ZC3H11A: variants seen among roughly 807,000 people sequenced by gnomAD.
The protein encoded by ZC3H11A is zinc finger CCCH-type containing 11A, also known as zinc finger CCCH domain-containing protein 11A.
In ZC3H11A, 22 loss-of-function variants were observed where a neutral mutation model predicts 90.8. That is an observed-to-expected ratio of 0.24 (90% confidence interval 0.17 to 0.35). The LOEUF (loss-of-function observed/expected upper bound fraction) is 0.35. ZC3H11A is among the 10% of genes least tolerant of loss of function. The pLI is 1.00. For synonymous variants in ZC3H11A, 294 were observed against 339.8 expected, an observed-to-expected ratio of 0.87 and a Z score of 1.48; for missense variants, 701 against 964.9, an observed-to-expected ratio of 0.73 and a Z score of 3.62.
intron 4 of ZC3H11A, among the ~76,000 whole-genome samples, chr1:203,827,435 C>T (rs1379946453): frequency 6.6e-6 from 1 of 150,420 alleles, no homozygotes; most frequent in East Asian, 2.0e-4. Flanking sequence ...AATCCCAGCA[C>T]TTTGGGAGGC....
chr1:203,817,155 T>C, intron 3 of ZC3H11A, 31 bp downstream of exon 3: 1 of 1,554,650 alleles, frequency 6.4e-7, no homozygotes, highest in Non-Finnish European at 8.7e-7. Context: ...ATCAGTTCTT[T>C]CTACAATTTG....
At chr1:203,804,459 T>G (rs1030735507) in intron 2 of ZC3H11A, among the ~76,000 whole-genome samples, 5 of 151,940 alleles carry the variant, frequency 3.3e-5, no homozygotes, top group Non-Finnish European at 4.4e-5. Flanking sequence ...GCCCTTCCTG[T>G]ATATCTTTTT....
At chr1:203,840,402 AT>A (rs747792387) in intron 12 of ZC3H11A, 28 bp downstream of exon 12, 1 of 1,598,828 alleles carries the variant, frequency 6.3e-7, no homozygotes, top group African/African-American at 1.3e-5. Context: ...CCAGATTCTG[AT>A]TATTTTTTTC....
intron 5 of ZC3H11A, 64 bp from the exon 6 acceptor site, chr1:203,829,387 G>A: frequency 6.4e-7 from 1 of 1,558,302 alleles, no homozygotes; most frequent in Non-Finnish European, 8.8e-7. Flanking sequence ...AGGTGGTCAG[G>A]AATTTTTGGT....
In ZC3H11A at chr1:203,848,352, T is replaced by A; in HGVS notation, c.1568T>A (p.Leu523His). The A allele has an allele frequency of 6.2e-7, 1 of 1,612,964 alleles. No homozygotes were observed. The highest frequency in any genetic ancestry group is 8.5e-7 in the Non-Finnish European group (1 of 1,179,620). ...ACAGGGATGAAAGAAGAGAAGAACC[T>A]TCAGGAAGGAAATGAAGTTGATTCT... ...KRTGMKEEKN[L>H]QEGNEVDSQS... The change falls in exon 14 of 18, where the codon CTT (leucine) becomes CAT (histidine). Residue 523 changes from leucine (L) to histidine (H), a missense_variant. By Grantham distance (99) the Leu-to-His change is moderately conservative. Around this residue, in one of 4 missense-constraint regions of ZC3H11A, gnomAD observed 530 missense variants for 696.2 expected, o/e 0.76. Coordinates refer to ENST00000367210, the MANE Select transcript of ZC3H11A (RefSeq NM_001376342.1).
intron 12 of ZC3H11A, among the ~76,000 whole-genome samples, chr1:203,845,865 C>CA (rs1687751560): frequency 6.6e-6 from 1 of 151,834 alleles, no homozygotes; most frequent in African/African-American, 2.4e-5. Context: ...AACTCTGTCT[C>CA]AAAAAACAAG....
intron 2 of ZC3H11A, chr1:203,805,906 ACTTG>A: frequency 1.4e-6 from 1 of 692,272 alleles, no homozygotes; most frequent in Non-Finnish European, 2.7e-6. Flanking sequence ...GTCAGTTTTC[ACTTG>A]CTTGTCTACC....
rs1801839 is a variant in ZC3H11A at position 203,849,892 on chromosome 1, C to G, written c.1805C>G (p.Pro602Arg). 4 of 1,613,970 alleles carry G rather than the reference C, an allele frequency of 2.5e-6. No homozygotes were observed. The highest frequency in any genetic ancestry group is 2.5e-6 in the Non-Finnish European group (3 of 1,180,034). Reference sequence around the variant, plus strand: ...GAGAAACCAGTGCTCACTGCTGTGCCAGGAATCACACGGCACCTGACCAAG... The same window carrying G: ...GAGAAACCAGTGCTCACTGCTGTGCGAGGAATCACACGGCACCTGACCAAG... The part of the protein sequence containing the change: ...VAEKPVLTAV[P>R]GITRHLTKRL... The change falls in exon 15 of 18, where the codon CCA becomes CGA. Residue 602 changes from proline (P) to arginine (R), a missense_variant. Pro to Arg is a moderately radical substitution (Grantham distance 103, BLOSUM62 -2). This residue lies in a region of ZC3H11A where 530 missense variants were observed against 696.2 expected (regional missense o/e 0.76). Coordinates refer to ENST00000367210, the MANE Select transcript of ZC3H11A (RefSeq NM_001376342.1).
chr1:203,797,203 A>G (rs4951011), intron 1 of ZC3H11A: 26,759 of 178,932 alleles, frequency 0.15, 2,510 homozygotes, highest in East Asian at 0.31. Flanking sequence ...TCTAGCTGCT[A>G]CTAACCAACT....
intron 2 of ZC3H11A, among the ~76,000 whole-genome samples, chr1:203,811,665 C>T (rs149499593): frequency 8.6e-4 from 131 of 152,200 alleles, no homozygotes; most frequent in Admixed American, 2.1e-3. Flanking sequence ...TGGGCTACCA[C>T]GCCTGGCTAA....
At chr1:203,805,612 G>A (rs562477270) in intron 2 of ZC3H11A, 3 of 661,616 alleles carry the variant, frequency 4.5e-6, no homozygotes, top group Admixed American at 3.7e-5. Flanking sequence ...GTACTTAAAT[G>A]CAAATGTATG....
chr1:203,831,093 C>T (rs559998299), intron 8 of ZC3H11A, among the ~76,000 whole-genome samples: 9 of 151,638 alleles, frequency 5.9e-5, no homozygotes, highest in South Asian at 2.1e-4. Context: ...TACAGGCATG[C>T]GCCACCACGC....
chr1:203,825,069 T>A (rs1419697763), intron 4 of ZC3H11A, among the ~76,000 whole-genome samples: 1 of 93,188 alleles, frequency 1.1e-5, no homozygotes, highest in Non-Finnish European at 2.0e-5. Flanking sequence ...AGAGCGAGAC[T>A]CCGTCTCAAA....
intron 1 of ZC3H11A, chr1:203,800,072 T>C: frequency 2.6e-6 from 4 of 1,536,098 alleles, no homozygotes; most frequent in African/African-American, 1.4e-5. Context: ...CTGTAGACAA[T>C]GTTGCCCTTG....
intron 4 of ZC3H11A, among the ~76,000 whole-genome samples, chr1:203,825,024 A>T (rs12065846): frequency 6.7e-6 from 1 of 149,276 alleles, no homozygotes; most frequent in East Asian, 2.0e-4. Context: ...TTTCAGTGAG[A>T]CAAGATTGTG....
At chr1:203,796,524 A>G (rs1668558150) in intron 1 of ZC3H11A, 4 of 398,888 alleles carry the variant, frequency 1.0e-5, no homozygotes, top group Non-Finnish European at 1.8e-5. Context: ...GAAGGCCTAT[A>G]TTGTTGACAT....
chr1:203,834,645 C>G (rs1683638927), intron 10 of ZC3H11A, among the ~76,000 whole-genome samples: 1 of 151,924 alleles, frequency 6.6e-6, no homozygotes, highest in Admixed American at 6.6e-5. Context: ...TGTCTGACTC[C>G]AAAAAATTAT....
chr1:203,825,909 ATTAC>A (rs1430686008), intron 4 of ZC3H11A, among the ~76,000 whole-genome samples: 1 of 152,142 alleles, frequency 6.6e-6, no homozygotes, highest in African/African-American at 2.4e-5. Context: ...TTGCACATAT[ATTAC>A]TTTTCAATTA....
At chr1:203,842,006 G>A (rs184515461) in intron 12 of ZC3H11A, among the ~76,000 whole-genome samples, 10 of 151,854 alleles carry the variant, frequency 6.6e-5, no homozygotes, top group East Asian at 3.9e-4. Flanking sequence ...CAGACGGGGC[G>A]GCAGGGCAGA....
Sources: allele counts gnomAD v4.1 joint callset (sites outside exome capture counted in the v4.1 genomes callset), GRCh38; gene constraint gnomAD v4.1.1; regional missense constraint gnomAD v4.1.1; transcripts MANE v1.5; gene names NCBI Gene and HGNC (gene_info 2026-07-23, HGNC 2026-07-21).